MYO3A: variants seen among roughly 807,000 people sequenced by gnomAD.
MYO3A encodes the protein myosin IIIA, also known as myosin-IIIa.
Under a neutral mutation model 192.7 loss-of-function variants are expected in MYO3A, and 180 were observed. The observed-to-expected ratio is 0.93, with a 90% CI of 0.83 to 1.06. The LOEUF (loss-of-function observed/expected upper bound fraction) is 1.06. Ranked by LOEUF, MYO3A falls within the 50% of genes least tolerant of loss-of-function variation. The pLI is 0.00. For missense variants in MYO3A, 1,896 were observed against 1,905.0 expected, an observed-to-expected ratio of 1.00 and a Z score of 0.09; for synonymous variants, 628 against 645.3, an observed-to-expected ratio of 0.97 and a Z score of 0.41.
rs1314772641 is a variant in MYO3A at position 26,070,323 on chromosome 10, T to A, written c.1281T>A (p.Ile427=). 4 of 1,613,182 alleles carry A rather than the reference T, an allele frequency of 2.5e-6. No homozygotes were observed. Among genetic ancestry groups the A allele is most frequent in the Non-Finnish European group, 3.4e-6 (4 of 1,179,368 alleles). The change falls in exon 14 of 35, where the codon ATT becomes ATA. Residue 427 remains isoleucine (I), a synonymous_variant. Transcript: ENST00000642920. ...SMITYNSDQC[I]VISGESGAGK... is the part of the protein sequence containing the mutation. ...GTTTTCTTTTCTATGTATAGTGCAT[T>A]GTTATTTCTGGAGAAAGTGGTGCTG... is the stretch of plus-strand genomic sequence containing the variant.
chr10:25,999,716 A>G (rs757491185), intron 6 of MYO3A, among the ~76,000 whole-genome samples: 7 of 152,290 alleles, frequency 4.6e-5, no homozygotes, highest in South Asian at 2.1e-4. Flanking sequence ...GGCACCTCAT[A>G]CTCAGAATGT....
intron 17 of MYO3A, among the ~76,000 whole-genome samples, chr10:26,109,279 G>A (rs953103747): frequency 1.3e-5 from 2 of 152,190 alleles, no homozygotes; most frequent in African/African-American, 4.8e-5. Context: ...AATATTTAGA[G>A]TACAGTACTA....
At chr10:26,070,505 T>C in intron 14 of MYO3A, 104 bp downstream of exon 14, 1 of 1,026,062 alleles carries the variant, frequency 9.7e-7, no homozygotes. Context: ...CATTTAATAA[T>C]GTACAGAAAT....
chr10:26,017,026 T>A, intron 7 of MYO3A, 130 bp downstream of exon 7: 1 of 1,040,738 alleles, frequency 9.6e-7, no homozygotes, highest in Non-Finnish European at 1.5e-6. Flanking sequence ...TATTTTCATG[T>A]GAGAATTTTG....
At chr10:26,128,614 T>C in intron 20 of MYO3A, 76 bp downstream of exon 20, 1 of 1,420,056 alleles carries the variant, frequency 7.0e-7, no homozygotes, top group Non-Finnish European at 9.8e-7. Context: ...AAGCAGGACC[T>C]TAACCATAGA....
At chr10:26,160,161 A>AT (rs1043327990) in intron 26 of MYO3A, among the ~76,000 whole-genome samples, 14 of 152,126 alleles carry the variant, frequency 9.2e-5, no homozygotes, top group African/African-American at 2.9e-4. Flanking sequence ...AATTTCAGTG[A>AT]TTTTTTAATG....
chr10:26,123,660 C>T (rs1365638112), intron 18 of MYO3A, among the ~76,000 whole-genome samples: 1 of 152,176 alleles, frequency 6.6e-6, no homozygotes, highest in Non-Finnish European at 1.5e-5. Context: ...GGCCCAGTGG[C>T]TCACGCCTGT....
chr10:25,978,943 G>A (rs1839130329), intron 4 of MYO3A, among the ~76,000 whole-genome samples: 2 of 151,664 alleles, frequency 1.3e-5, no homozygotes, highest in African/African-American at 4.8e-5. Flanking sequence ...TATTATTATT[G>A]CCTCTCGTCT....
chr10:26,029,495 A>G (rs1383965657), intron 10 of MYO3A, among the ~76,000 whole-genome samples: 1 of 152,102 alleles, frequency 6.6e-6, no homozygotes, highest in East Asian at 1.9e-4. Context: ...TTGTTTCCCA[A>G]TTCACTAATT....
Position 26,211,991 on chromosome 10 carries a change from G to T in MYO3A, c.*28G>T, listed in dbSNP as rs1208417696. On this transcript the variant is annotated 3_prime_UTR_variant, in exon 35 of 35. Transcript: ENST00000642920. Reference sequence around the variant, plus strand: ...GTTCAACGAGGCAGTCACCGCCGTCGGAAGGCGCTGGAGCCTGCGGGGCAG... The same window carrying T: ...GTTCAACGAGGCAGTCACCGCCGTCTGAAGGCGCTGGAGCCTGCGGGGCAG... The T allele has an allele frequency of 6.2e-7, 1 of 1,606,728 alleles. No homozygotes were observed. The highest frequency in any genetic ancestry group is 2.2e-5 in the East Asian group (1 of 44,678).
intron 25 of MYO3A, among the ~76,000 whole-genome samples, chr10:26,155,871 A>G (rs1473266562): frequency 6.6e-6 from 1 of 152,218 alleles, no homozygotes; most frequent in Non-Finnish European, 1.5e-5. Flanking sequence ...TGTTGTTGGC[A>G]TCAAACACTG....
chr10:25,949,342 A>G (rs1318730822), intron 2 of MYO3A, among the ~76,000 whole-genome samples: 2 of 152,158 alleles, frequency 1.3e-5, no homozygotes, highest in African/African-American at 4.8e-5. Context: ...CAGTAACATT[A>G]CTGCTTGAAA....
intron 26 of MYO3A, among the ~76,000 whole-genome samples, chr10:26,159,152 G>A (rs897213299): frequency 2.6e-5 from 4 of 151,100 alleles, no homozygotes; most frequent in South Asian, 2.1e-4. Flanking sequence ...CACCACGCCC[G>A]GCTAATTTTT....
chr10:26,107,779 T>C (rs572110215), intron 17 of MYO3A, among the ~76,000 whole-genome samples: 7 of 152,222 alleles, frequency 4.6e-5, no homozygotes, highest in Admixed American at 2.6e-4. Context: ...TTATCTTTAA[T>C]TGGGTTTACA....
intron 6 of MYO3A, among the ~76,000 whole-genome samples, chr10:26,016,012 C>T (rs1173453480): frequency 6.6e-6 from 1 of 152,078 alleles, no homozygotes; most frequent in Non-Finnish European, 1.5e-5. Context: ...TGGGTTTAAC[C>T]CATCAAGTCC....
At chr10:26,201,234 T>C in intron 32 of MYO3A, 31 bp from the exon 33 acceptor site, 3 of 1,333,454 alleles carry the variant, frequency 2.2e-6, no homozygotes, top group Non-Finnish European at 3.1e-6. Context: ...CATAATATTA[T>C]ATAGATCTTT....
chr10:26,075,774 A>C (rs1835526247), intron 14 of MYO3A, among the ~76,000 whole-genome samples: 1 of 147,530 alleles, frequency 6.8e-6, no homozygotes, highest in South Asian at 2.1e-4. Flanking sequence ...TCTCTCATAT[A>C]TATATGATAT....
At chr10:26,185,897 T>A (rs1412873972) in intron 31 of MYO3A, among the ~76,000 whole-genome samples, 2 of 152,222 alleles carry the variant, frequency 1.3e-5, no homozygotes, top group Non-Finnish European at 2.9e-5. Context: ...GCAACTTGCT[T>A]TTCTCAATAC....
At chr10:26,035,946 T>A (rs1302871520) in intron 10 of MYO3A, among the ~76,000 whole-genome samples, 1 of 152,182 alleles carries the variant, frequency 6.6e-6, no homozygotes, top group Non-Finnish European at 1.5e-5. Context: ...AAGACTTTTT[T>A]TTTTTGAGAT....
Sources: gnomAD v4.1 joint callset for allele counts (sites outside exome capture counted in the v4.1 genomes callset) on GRCh38, gnomAD v4.1.1 for gene constraint, MANE v1.5 for transcripts, NCBI Gene and HGNC (gene_info 2026-07-23, HGNC 2026-07-21) for gene names.